Variants in TENM4 observed in about 807,000 individuals in gnomAD.
TENM4 encodes the protein teneurin transmembrane protein 4.
In TENM4, 82 loss-of-function variants were observed where a neutral mutation model predicts 243.3. The ratio of observed to expected loss-of-function variants is 0.34; its 90% CI spans 0.28 to 0.40. The LOEUF is 0.40. TENM4 is among the 10% of genes least tolerant of loss of function. The pLI is 1.00. For synonymous variants in TENM4, 1,412 were observed against 1,456.3 expected (o/e 0.97, Z 0.69); for missense variants, 3,138 against 3,673.3 (o/e 0.85, Z 3.77).
chr11:79,009,825 T>C (rs997377177), intron 6 of TENM4, among the ~76,000 whole-genome samples: 3 of 152,148 alleles, frequency 2.0e-5, no homozygotes, highest in South Asian at 2.1e-4. Flanking sequence ...TCCAGTGATA[T>C]GGTTTGGCTC....
At chr11:78,707,331 AC>A in intron 27 of TENM4, among the ~76,000 whole-genome samples, 1 of 152,142 alleles carries the variant, frequency 6.6e-6, no homozygotes, top group East Asian at 1.9e-4. Flanking sequence ...CAAAGGACAT[AC>A]CCTTGCCAAG....
rs117368421 is a variant in TENM4, at chr11:79,075,754, C to T, written c.-65-5745G>A. On this transcript the variant is annotated intron_variant, in intron 4 of 33. Coordinates refer to ENST00000278550, the MANE Select transcript of TENM4 (RefSeq NM_001098816.3). ...ACGCCATCTGTGAGATGTGTAAGAC[C>T]CTGGCAGGGACTCGGCCTGTCAGTC... Among the ~76,000 whole-genome samples, 213 of 152,322 alleles carry T rather than the reference C, an allele frequency of 1.4e-3. 2 individuals carry two copies. In the East Asian group the frequency reaches 0.017, roughly 12 times the overall value.
chr11:78,723,392 T>C (rs1189272075), intron 23 of TENM4, among the ~76,000 whole-genome samples: 1 of 152,286 alleles, frequency 6.6e-6, no homozygotes, highest in African/African-American at 2.4e-5. Context: ...GTCTTTTTCC[T>C]TTCTGTATCC....
chr11:79,355,144 C>T (rs1378908308), intron 1 of TENM4, among the ~76,000 whole-genome samples: 1 of 152,236 alleles, frequency 6.6e-6, no homozygotes, highest in Non-Finnish European at 1.5e-5. Context: ...AATCAGGGCT[C>T]AGCCATGTTG....
At chr11:79,225,529 C>G (rs2135248347) in intron 2 of TENM4, among the ~76,000 whole-genome samples, 1 of 152,290 alleles carries the variant, frequency 6.6e-6, no homozygotes, top group Admixed American at 6.5e-5. Context: ...GCAAGTCTCC[C>G]ACCTCAGCCT....
At chr11:79,011,898 C>T (rs1027783555) in intron 6 of TENM4, among the ~76,000 whole-genome samples, 10 of 152,306 alleles carry the variant, frequency 6.6e-5, no homozygotes, top group African/African-American at 1.7e-4. Context: ...GACTAAATAC[C>T]GATACAGTTC....
intron 4 of TENM4, among the ~76,000 whole-genome samples, chr11:79,082,595 G>A (rs1860703964): frequency 6.6e-6 from 1 of 151,834 alleles, no homozygotes; most frequent in Non-Finnish European, 1.5e-5. Flanking sequence ...ACCCATGTGT[G>A]CACACACACA....
chr11:79,221,918 A>G (rs905585884), intron 2 of TENM4, among the ~76,000 whole-genome samples: 6 of 152,134 alleles, frequency 3.9e-5, no homozygotes, highest in African/African-American at 1.4e-4. Flanking sequence ...TGCCTCTGCC[A>G]GGGCAGGGAA....
At chr11:79,413,591 T>C (rs1858748251) in intron 1 of TENM4, among the ~76,000 whole-genome samples, 1 of 152,188 alleles carries the variant, frequency 6.6e-6, no homozygotes, top group South Asian at 2.1e-4. Context: ...CAGATGATTC[T>C]AGCTCATGAA....
intron 1 of TENM4, among the ~76,000 whole-genome samples, chr11:79,359,129 G>A (rs1482610734): frequency 6.6e-6 from 1 of 152,114 alleles, no homozygotes; most frequent in African/African-American, 2.4e-5. Context: ...AGCTGTGCAT[G>A]GTGTTGCATA....
At chr11:79,212,837 G>T (rs1011276276) in intron 3 of TENM4, among the ~76,000 whole-genome samples, 2 of 152,142 alleles carry the variant, frequency 1.3e-5, no homozygotes, top group Non-Finnish European at 2.9e-5. Context: ...TCTCCCAGCC[G>T]TTAAGCAGGA....
In TENM4 at chr11:78,862,959, T is replaced by G; in HGVS notation, c.1255+3A>C. On this transcript the variant is annotated splice_donor_region_variant and intron_variant, in intron 10 of 33. Coordinates refer to ENST00000278550, the MANE Select transcript of TENM4 (RefSeq NM_001098816.3). ...CACAACACGGACAACGCAGCAACCC[T>G]ACCTTCTGTGGTTCCTTTGCCTTTC... 6.9e-7 allele frequency: 1 copy of G among 1,456,050 alleles called. No individual in the cohort carries two copies. Among genetic ancestry groups the G allele is most frequent in the Admixed American group, 2.2e-5 (1 of 45,176 alleles). The allele number at this position is 1,456,050 out of a possible 1,614,324, so 90.2% of individuals were successfully genotyped here.
chr11:78,665,570 C>G (rs892553971), intron 32 of TENM4, among the ~76,000 whole-genome samples: 1 of 152,202 alleles, frequency 6.6e-6, no homozygotes, highest in African/African-American at 2.4e-5. Context: ...CAGCACCCAG[C>G]CAATAATCTC....
intron 1 of TENM4, among the ~76,000 whole-genome samples, chr11:79,369,970 G>A (rs758725658): frequency 3.3e-5 from 5 of 152,078 alleles, no homozygotes; most frequent in Non-Finnish European, 7.4e-5. Flanking sequence ...CCTGGCCCTG[G>A]GTCTCCAGCC....
At chr11:78,881,553 A>G (rs900445668) in intron 9 of TENM4, among the ~76,000 whole-genome samples, 1 of 152,104 alleles carries the variant, frequency 6.6e-6, no homozygotes, top group Non-Finnish European at 1.5e-5. Flanking sequence ...ATGGTATCCT[A>G]GAACCATTAG....
Position 78,812,145 on chromosome 11 carries a change from TAG to T in TENM4, c.1953_1954del (p.Tyr652GlnfsTer6). 6.4e-7 allele frequency: 1 copy of T among 1,551,518 alleles called. No individual in the cohort carries two copies. The highest frequency in any genetic ancestry group is 8.7e-7 in the Non-Finnish European group (1 of 1,147,014). On this transcript the variant is annotated frameshift_variant, in exon 14 of 34. Transcript: ENST00000278550. LOFTEE classifies it high-confidence loss of function. ...ACCTTCCTCACAGCTCTCGCCCTTG[TAG>T]CCAGGGTTGCAGATGCAGGTGCCCG...
chr11:79,047,289 T>C (rs1370868479), intron 6 of TENM4, among the ~76,000 whole-genome samples: 1 of 152,174 alleles, frequency 6.6e-6, no homozygotes, highest in African/African-American at 2.4e-5. Flanking sequence ...ACCCATCAGA[T>C]CTACTTAAAA....
At chr11:79,393,292 G>A (rs1027010118) in intron 1 of TENM4, among the ~76,000 whole-genome samples, 6 of 151,868 alleles carry the variant, frequency 4.0e-5, no homozygotes, top group African/African-American at 1.5e-4. Context: ...AAAACTACAT[G>A]ACTGGCAGCT....
At chr11:78,743,207 C>T (rs1855972062) in intron 19 of TENM4, among the ~76,000 whole-genome samples, 1 of 152,122 alleles carries the variant, frequency 6.6e-6, no homozygotes, top group Non-Finnish European at 1.5e-5. Context: ...ATTCACCAAG[C>T]AGTATACACC....
Sources: allele counts gnomAD v4.1 joint callset (sites outside exome capture counted in the v4.1 genomes callset), GRCh38; gene constraint gnomAD v4.1.1; transcripts MANE v1.5; gene names NCBI Gene and HGNC (gene_info 2026-07-23, HGNC 2026-07-21).